EBF2: variants seen among roughly 807,000 people sequenced by gnomAD.
EBF2 encodes transcription factor COE2.
A neutral mutation model predicts 72.8 loss-of-function variants in EBF2; 21 were observed. That is an observed-to-expected ratio of 0.29 (90% CI 0.20 to 0.42). EBF2 has a LOEUF of 0.42. EBF2 is among the 10% of genes least tolerant of loss of function. EBF2 has a pLI of 1.00. For synonymous variants in EBF2, 299 were observed against 274.2 expected (o/e 1.09, Z -0.89); for missense variants, 637 against 731.2 (o/e 0.87, Z 1.49).
chr8:26,005,320 T>A (rs796214552), intron 6 of EBF2, among the ~76,000 whole-genome samples: 1 of 238 alleles, frequency 4.2e-3, no homozygotes, highest in African/African-American at 9.8e-3. Flanking sequence ...TATTATATAT[T>A]ATATATAATT....
chr8:25,956,405 C>CAA (rs1228684813), intron 6 of EBF2, among the ~76,000 whole-genome samples: 1 of 132,534 alleles, frequency 7.5e-6, no homozygotes, highest in Non-Finnish European at 1.6e-5. Context: ...AACTCCTTCT[C>CAA]AAAAAAAAAA....
At chr8:26,004,491 A>G (rs1485280116) in intron 6 of EBF2, among the ~76,000 whole-genome samples, 2 of 152,054 alleles carry the variant, frequency 1.3e-5, no homozygotes, top group African/African-American at 4.8e-5. Flanking sequence ...CCTGGCCAAT[A>G]TGGTGAAACC....
intron 6 of EBF2, among the ~76,000 whole-genome samples, chr8:26,015,289 G>A (rs146675796): frequency 1.9e-3 from 297 of 152,310 alleles, no homozygotes; most frequent in Non-Finnish European, 3.1e-3. Context: ...CCAGAGACAT[G>A]CAGTGTGTCT....
At chr8:25,977,607 A>G (rs1416083080) in intron 6 of EBF2, among the ~76,000 whole-genome samples, 1 of 152,180 alleles carries the variant, frequency 6.6e-6, no homozygotes, top group African/African-American at 2.4e-5. Flanking sequence ...TGAAGAAAGC[A>G]CCTTCTTCAA....
chr8:25,926,619 C>G (rs1197777731), intron 6 of EBF2, among the ~76,000 whole-genome samples: 3 of 152,166 alleles, frequency 2.0e-5, no homozygotes, highest in Admixed American at 6.5e-5. Context: ...GATCCCATCT[C>G]TATGACACTC....
At chr8:26,042,805 GA>G (rs1805627459) in intron 1 of EBF2, among the ~76,000 whole-genome samples, 1 of 152,220 alleles carries the variant, frequency 6.6e-6, no homozygotes, top group African/African-American at 2.4e-5. Flanking sequence ...TAGTGGGTAA[GA>G]ACCCCAAGGG....
chr8:26,017,744 A>G (rs553950262), intron 6 of EBF2, among the ~76,000 whole-genome samples: 41 of 152,294 alleles, frequency 2.7e-4, no homozygotes, highest in African/African-American at 9.4e-4. Context: ...CAATCTGAAA[A>G]TGTTCCTCCC....
At chr8:25,985,894 G>A (rs1804442764) in intron 6 of EBF2, among the ~76,000 whole-genome samples, 1 of 149,476 alleles carries the variant, frequency 6.7e-6, no homozygotes, top group East Asian at 2.0e-4. Flanking sequence ...CCCAGCTACT[G>A]GGGAGGCTGA....
intron 7 of EBF2, among the ~76,000 whole-genome samples, chr8:25,890,176 G>A (rs577255724): frequency 3.5e-4 from 53 of 152,248 alleles, no homozygotes; most frequent in African/African-American, 8.9e-4. Context: ...GACCTGGACC[G>A]CCACCGCCAG....
At chr8:25,883,471 G>T (rs1323901587) in intron 10 of EBF2, among the ~76,000 whole-genome samples, 1 of 151,540 alleles carries the variant, frequency 6.6e-6, no homozygotes, top group Non-Finnish European at 1.5e-5. Context: ...AGCTGATAGA[G>T]GTGTACTGAT....
chr8:25,916,788 A>G (rs1218078500), intron 6 of EBF2, among the ~76,000 whole-genome samples: 1 of 152,064 alleles, frequency 6.6e-6, no homozygotes, highest in Non-Finnish European at 1.5e-5. Flanking sequence ...TACCCACACA[A>G]TATGCTGGCT....
At chr8:26,042,988 G>A (rs1805631133) in intron 1 of EBF2, among the ~76,000 whole-genome samples, 1 of 152,198 alleles carries the variant, frequency 6.6e-6, no homozygotes, top group Non-Finnish European at 1.5e-5. Context: ...CCTCCCAGAG[G>A]TGCTAGGTGG....
At chr8:25,951,019 C>A (rs573543936) in intron 6 of EBF2, among the ~76,000 whole-genome samples, 1 of 152,264 alleles carries the variant, frequency 6.6e-6, no homozygotes, top group Non-Finnish European at 1.5e-5. Context: ...AAAATAAAAT[C>A]TCTGTATAGC....
intron 6 of EBF2, among the ~76,000 whole-genome samples, chr8:26,030,118 C>G (rs1346126877): frequency 6.6e-6 from 1 of 152,066 alleles, no homozygotes; most frequent in African/African-American, 2.4e-5. Context: ...CACTATGGTG[C>G]TCAGGTTGCT....
Position 26,044,955 on chromosome 8 carries a change from G to C in EBF2, c.-96C>G. On this transcript the variant is annotated 5_prime_UTR_variant, in exon 1 of 16. Coordinates refer to ENST00000520164, the MANE Select transcript of EBF2 (RefSeq NM_022659.4). The surrounding 1 kb of genome is among the most constrained non-coding windows in gnomAD (Gnocchi z 4.1). ...TTGCCAGCAAATCGTCTCCTCCAAA[G>C]CAATCCAAGAAAAGGGATCAAGTGC... The C allele has an allele frequency of 2.2e-6, 3 of 1,360,926 alleles. No homozygotes were observed. Among genetic ancestry groups the C allele is most frequent in the East Asian group, 4.8e-5 (2 of 42,078 alleles). 84.3% of individuals were successfully genotyped at this position (1,360,926 alleles called of 1,614,324 possible). A position where few individuals can be genotyped will look rare whatever the true frequency, so the allele number is the denominator to read the frequency against.
chr8:26,032,876 CA>C, intron 6 of EBF2: 2 of 567,654 alleles, frequency 3.5e-6, no homozygotes, highest in Non-Finnish European at 6.3e-6. Context: ...GAAAAGACTC[CA>C]CCACAGATTT....
chr8:25,905,529 T>C (rs143141667), intron 7 of EBF2, among the ~76,000 whole-genome samples: 1 of 152,290 alleles, frequency 6.6e-6, no homozygotes, highest in Non-Finnish European at 1.5e-5. Context: ...TATTGATACA[T>C]GCTATCACAT....
chr8:25,881,678 C>T (rs1802607409), intron 10 of EBF2, among the ~76,000 whole-genome samples: 1 of 152,220 alleles, frequency 6.6e-6, no homozygotes, highest in Admixed American at 6.5e-5. Flanking sequence ...TTAGGACAGG[C>T]ATTTTTGTTT....
At chr8:25,864,038 G>T (rs1195401954) in intron 10 of EBF2, among the ~76,000 whole-genome samples, 1 of 151,998 alleles carries the variant, frequency 6.6e-6, no homozygotes, top group Non-Finnish European at 1.5e-5. Context: ...CTAATATCAG[G>T]CAATTAATGT....
Sources: gnomAD v4.1 joint callset for allele counts (sites outside exome capture counted in the v4.1 genomes callset) on GRCh38, gnomAD v4.1.1 for gene constraint, Gnocchi (gnomAD v3.1) non-coding constraint, MANE v1.5 for transcripts, NCBI Gene and HGNC (gene_info 2026-07-23, HGNC 2026-07-21) for gene names.